MSR1: variants seen among roughly 807,000 people sequenced by gnomAD.
MSR1 encodes macrophage scavenger receptor types I and II.
MSR1 carries 53 observed loss-of-function variants against 47.2 expected under a neutral mutation model. The ratio of observed to expected loss-of-function variants is 1.12; its 90% confidence interval spans 0.90 to 1.41. The LOEUF (loss-of-function observed/expected upper bound fraction) is 1.41. Ranked by LOEUF, MSR1 falls within the 40% of genes most tolerant of loss-of-function variation. The pLI is 0.00. For synonymous variants in MSR1, 239 were observed against 185.6 expected, an observed-to-expected ratio of 1.29 and a Z score of -2.34; for missense variants, 786 against 546.9, an observed-to-expected ratio of 1.44 and a Z score of -4.36.
intron 1 of MSR1, among the ~76,000 whole-genome samples, chr8:16,182,368 C>A (rs184325171): frequency 1.0e-3 from 159 of 152,242 alleles, no homozygotes; most frequent in African/African-American, 3.7e-3. Context: ...ACTTAAGCTA[C>A]ACTGAATGTA....
At chr8:16,144,138 G>C (rs1477008712) in intron 7 of MSR1, among the ~76,000 whole-genome samples, 1 of 152,044 alleles carries the variant, frequency 6.6e-6, no homozygotes, top group African/African-American at 2.4e-5. Flanking sequence ...ATCACCTTTG[G>C]TTTTGAGAAA....
intron 8 of MSR1, chr8:16,140,581 G>C: frequency 9.4e-7 from 1 of 1,062,114 alleles, no homozygotes; most frequent in Non-Finnish European, 1.1e-6. Context: ...GGTAGGAATC[G>C]CTTTGCTTGA....
chr8:16,167,685 A>G (rs1329497487), intron 4 of MSR1, among the ~76,000 whole-genome samples: 1 of 152,122 alleles, frequency 6.6e-6, no homozygotes, highest in Non-Finnish European at 1.5e-5. Flanking sequence ...TGCTCTTCTG[A>G]CCCTATTTCT....
chr8:16,157,357 G>T (rs148853611), intron 5 of MSR1, among the ~76,000 whole-genome samples: 262 of 151,922 alleles, frequency 1.7e-3, no homozygotes, highest in African/African-American at 6.1e-3. Context: ...ACAGCGAATA[G>T]ATCAGTATTA....
chr8:16,183,606 T>C (rs1424419305), intron 1 of MSR1, among the ~76,000 whole-genome samples: 1 of 133,278 alleles, frequency 7.5e-6, no homozygotes, highest in African/African-American at 2.9e-5. Context: ...TATTATATAA[T>C]AGGCAAATAT....
At chr8:16,176,514 A>G (rs1801652476) in intron 2 of MSR1, among the ~76,000 whole-genome samples, 1 of 119,826 alleles carries the variant, frequency 8.3e-6, no homozygotes, top group East Asian at 2.5e-4. Flanking sequence ...CTCAAAAAGA[A>G]AAAAAAAAAA....
chr8:16,145,739 AT>A (rs1001447379), intron 7 of MSR1, among the ~76,000 whole-genome samples: 2 of 152,120 alleles, frequency 1.3e-5, no homozygotes, highest in African/African-American at 4.8e-5. Flanking sequence ...GTTTTGTATC[AT>A]TTTAACATGA....
At chr8:16,136,000 G>GT (rs1490403906) in intron 8 of MSR1, among the ~76,000 whole-genome samples, 3 of 152,196 alleles carry the variant, frequency 2.0e-5, no homozygotes, top group South Asian at 2.1e-4. Context: ...CAAAGAAAGG[G>GT]TTTTTTTGAG....
At chr8:16,139,368 T>C (rs754268092) in intron 8 of MSR1, 2 of 937,138 alleles carry the variant, frequency 2.1e-6, no homozygotes, top group East Asian at 1.2e-4. Context: ...ACACACACAA[T>C]ATCTTACTTG....
intron 9 of MSR1, among the ~76,000 whole-genome samples, chr8:16,113,530 G>A (rs935104530): frequency 6.6e-6 from 1 of 152,138 alleles, no homozygotes; most frequent in African/African-American, 2.4e-5. Context: ...GTTGGGAAGT[G>A]TTTTGTGAAC....
Position 16,109,649 on chromosome 8 carries a change from AC to A in MSR1, c.*435del. ...GGATTGGAGATTTTGCAATCTAGGC[AC>A]AAAAGATATCTTCTGATCCCTTCCG... On this transcript the variant is annotated 3_prime_UTR_variant, in exon 10 of 10. Coordinates refer to ENST00000262101, the MANE Select transcript of MSR1 (RefSeq NM_138715.3). The A allele has an allele frequency of 5.6e-6, 1 of 179,184 alleles. No individual in the cohort carries two copies. The highest frequency in any genetic ancestry group is 1.2e-4 in the South Asian group (1 of 8,572). The allele number at this position is 179,184 out of a possible 1,614,324, so 11.1% of individuals were successfully genotyped here. A position where few individuals can be genotyped will look rare whatever the true frequency, so the allele number is the denominator to read the frequency against.
chr8:16,154,962 T>G, intron 6 of MSR1, 102 bp downstream of exon 6: 1 of 955,556 alleles, frequency 1.0e-6, no homozygotes, highest in South Asian at 1.4e-5. Flanking sequence ...ATACACATCC[T>G]CTGCAGGATA....
intron 3 of MSR1, among the ~76,000 whole-genome samples, chr8:16,171,542 C>A (rs1043500683): frequency 1.3e-5 from 2 of 151,974 alleles, no homozygotes; most frequent in Non-Finnish European, 2.9e-5. Flanking sequence ...ATTGTGGGGA[C>A]CAAGTTTTGG....
At chr8:16,171,529 T>C (rs1175633894) in intron 3 of MSR1, among the ~76,000 whole-genome samples, 2 of 152,166 alleles carry the variant, frequency 1.3e-5, no homozygotes, top group Non-Finnish European at 2.9e-5. Context: ...ATTTATTAAA[T>C]TCATTGTGGG....
Position 16,119,863 on chromosome 8 carries a change from C to T in MSR1, c.1222+555G>A, listed in dbSNP as rs144768265. Among the ~76,000 whole-genome samples the T allele has an allele frequency of 5.7e-3, 751 of 132,204 alleles. 6 individuals carry two copies. Among genetic ancestry groups the T allele is most frequent in the African/African-American group, 0.021 (721 of 35,168 alleles). 86.7% of individuals were successfully genotyped at this position (132,204 alleles called of 152,430 possible). A position where few individuals can be genotyped will look rare whatever the true frequency, so the allele number is the denominator to read the frequency against. ...CTAGGACTGCAGGTGCATGCTATCA[C>T]GCCTGGCTTTTTTTTTTTTTTTTTT... On this transcript the variant is annotated intron_variant, in intron 9 of 9. Transcript: ENST00000262101.
chr8:16,174,334 C>T (rs1025411650), intron 3 of MSR1, among the ~76,000 whole-genome samples: 1 of 152,088 alleles, frequency 6.6e-6, no homozygotes, highest in African/African-American at 2.4e-5. Flanking sequence ...AGCACATGGG[C>T]AGACATTTTA....
intron 5 of MSR1, among the ~76,000 whole-genome samples, chr8:16,158,220 T>C (rs1450629195): frequency 1.3e-5 from 2 of 152,010 alleles, no homozygotes; most frequent in African/African-American, 4.8e-5. Flanking sequence ...GTTACAGGAA[T>C]AATTCATAAA....
intron 1 of MSR1, among the ~76,000 whole-genome samples, chr8:16,191,478 G>C (rs997035078): frequency 3.9e-5 from 6 of 152,104 alleles, no homozygotes; most frequent in Admixed American, 2.6e-4. Flanking sequence ...CTGGTACACA[G>C]AAAACCATCA....
intron 1 of MSR1, among the ~76,000 whole-genome samples, chr8:16,180,306 T>C (rs150835409): frequency 1.1e-3 from 169 of 152,294 alleles, no homozygotes; most frequent in African/African-American, 3.9e-3. Context: ...AAAATGTTCC[T>C]GTGTCTCTTT....
Sources: gnomAD v4.1 joint callset for allele counts (sites outside exome capture counted in the v4.1 genomes callset) on GRCh38, gnomAD v4.1.1 for gene constraint, MANE v1.5 for transcripts, NCBI Gene and HGNC (gene_info 2026-07-23, HGNC 2026-07-21) for gene names.